NUP58: variants seen among roughly 807,000 people sequenced by gnomAD.
NUP58 encodes nucleoporin 58, also known as nucleoporin p58/p45.
In NUP58, 17 loss-of-function variants were observed where a neutral mutation model predicts 70.1. The ratio of observed to expected loss-of-function variants is 0.24; its 90% CI spans 0.17 to 0.36. The LOEUF (loss-of-function observed/expected upper bound fraction) is 0.36. Among genes scored for constraint, NUP58 ranks in the 10% least tolerant of loss-of-function variants. The probability of loss-of-function intolerance (pLI) is 1.00; values close to 1 mark genes in which losing one functional copy is unlikely to be tolerated. For missense variants in NUP58, 644 were observed against 701.5 expected, an observed-to-expected ratio of 0.92 and a Z score of 0.93; for synonymous variants, 275 against 257.6, an observed-to-expected ratio of 1.07 and a Z score of -0.65.
chr13:25,333,180 C>CTCAAAATA (rs2031669689), intron 13 of NUP58: 1 of 985,036 alleles, frequency 1.0e-6, no homozygotes, highest in Non-Finnish European at 1.2e-6. Flanking sequence ...TTGAGAAATT[C>CTCAAAATA]ATAGGTTTTC....
At chr13:25,307,293 C>A (rs191823249) in intron 1 of NUP58, among the ~76,000 whole-genome samples, 2 of 144,380 alleles carry the variant, frequency 1.4e-5, no homozygotes, top group East Asian at 4.2e-4. Context: ...CAGCTGACTG[C>A]GACCTGCCTC....
chr13:25,345,677 CCCTT>C (rs1468584707), downstream of NUP58, among the ~76,000 whole-genome samples: 10 of 152,118 alleles, frequency 6.6e-5, no homozygotes, highest in Non-Finnish European at 1.0e-4. Context: ...AACAAGAAAA[CCCTT>C]CCTGGAAGGC....
chr13:25,316,997 A>G (rs1338967050), intron 6 of NUP58, among the ~76,000 whole-genome samples: 1 of 152,180 alleles, frequency 6.6e-6, no homozygotes, highest in Non-Finnish European at 1.5e-5. Flanking sequence ...ACTACATCCC[A>G]GTTCCCTTTT....
At chr13:25,328,466 G>A (rs1566067837) in intron 12 of NUP58, among the ~76,000 whole-genome samples, 1 of 144,608 alleles carries the variant, frequency 6.9e-6, no homozygotes, top group Non-Finnish European at 1.5e-5. Flanking sequence ...CATGATCTTG[G>A]TTCACTGCAA....
intron 3 of NUP58, among the ~76,000 whole-genome samples, chr13:25,348,594 A>G (rs148609873): frequency 6.6e-6 from 1 of 152,272 alleles, no homozygotes; most frequent in African/African-American, 2.4e-5. Context: ...ATTTAAAGTT[A>G]TATATGTGGA....
chr13:25,328,243 C>T (rs754650088), intron 12 of NUP58, among the ~76,000 whole-genome samples: 2 of 151,908 alleles, frequency 1.3e-5, no homozygotes, highest in African/African-American at 4.8e-5. Flanking sequence ...TGATTTTGTA[C>T]TACCTTAATT....
At chr13:25,335,201 A>G in intron 13 of NUP58, 5 of 985,114 alleles carry the variant, frequency 5.1e-6, no homozygotes, top group Non-Finnish European at 6.0e-6. Context: ...TGCAATGGAA[A>G]GTCTTGTCAT....
chr13:25,302,009 A>G, intron 1 of NUP58, 129 bp downstream of exon 1: 1 of 644,822 alleles, frequency 1.6e-6, no homozygotes, highest in Non-Finnish European at 2.6e-6. Context: ...AGAAGCACTT[A>G]ATCTAGCCGC....
chr13:25,327,282 C>G, intron 11 of NUP58, 148 bp from the exon 12 acceptor site: 1 of 579,978 alleles, frequency 1.7e-6, no homozygotes. Flanking sequence ...GTCTGCTACT[C>G]TGTGTGTTCT....
intron 13 of NUP58, 116 bp from the exon 14 acceptor site, chr13:25,336,820 A>C: frequency 3.1e-6 from 2 of 636,448 alleles, no homozygotes; most frequent in South Asian, 2.4e-5. Context: ...AAATGGAATC[A>C]GTTAAAAGTA....
chr13:25,315,678 G>A (rs548167895), intron 6 of NUP58, among the ~76,000 whole-genome samples: 20 of 36,298 alleles, frequency 5.5e-4, no homozygotes, highest in Non-Finnish European at 3.4e-3. Flanking sequence ...AACATCAGAA[G>A]CATTTGTCTG....
At chr13:25,313,810 T>C in intron 5 of NUP58, 59 bp downstream of exon 5, 1 of 1,350,732 alleles carries the variant, frequency 7.4e-7, no homozygotes, top group Non-Finnish European at 9.8e-7. Context: ...TGTACTTATT[T>C]TTATTTTAGT....
chr13:25,313,106 C>CA, intron 4 of NUP58, 74 bp downstream of exon 4: 1 of 1,455,856 alleles, frequency 6.9e-7, no homozygotes, highest in Non-Finnish European at 9.3e-7. Flanking sequence ...CATAGATAGT[C>CA]ACCTTACTAC....
intron 12 of NUP58, among the ~76,000 whole-genome samples, chr13:25,328,452 G>A (rs2031486417): frequency 7.2e-6 from 1 of 138,874 alleles, no homozygotes; most frequent in Non-Finnish European, 1.5e-5. Flanking sequence ...CTGGAGTTCA[G>A]TGGCATGATC....
At chr13:25,318,747 G>A (rs1427269958) in intron 6 of NUP58, among the ~76,000 whole-genome samples, 2 of 152,146 alleles carry the variant, frequency 1.3e-5, no homozygotes, top group Non-Finnish European at 2.9e-5. Flanking sequence ...AAATATGTCC[G>A]TTGTTGTGAG....
chr13:25,331,851 TTTAA>T (rs2031618181), intron 13 of NUP58: 4 of 1,192,908 alleles, frequency 3.4e-6, no homozygotes, highest in Non-Finnish European at 4.2e-6. Context: ...GTGAATTACA[TTTAA>T]GAATAACATT....
chr13:25,321,187 A>G (rs2031170168), intron 9 of NUP58, 94 bp downstream of exon 9: 2 of 1,076,598 alleles, frequency 1.9e-6, no homozygotes, highest in African/African-American at 1.6e-5. Context: ...GTTTTTAATT[A>G]TGAAATTTGA....
chr13:25,305,146 T>G (rs76688846), intron 1 of NUP58, among the ~76,000 whole-genome samples: 72 of 41,716 alleles, frequency 1.7e-3, no homozygotes, highest in East Asian at 4.5e-3. Flanking sequence ...TTTTTTTTTT[T>G]TTTTTTTTTT....
Position 25,309,298 on chromosome 13 carries a change from G to C in NUP58, c.286+16G>C, listed in dbSNP as rs774537674. On this transcript the variant is annotated intron_variant, in intron 3 of 15. Transcript: ENST00000381736. ...TTAACTCTGGGTAAGAATTTTTGAG[G>C]AAAGATCCCAGCTCTGTGGTCTTCT... 4.7e-5 allele frequency: 74 copies of C among 1,589,150 alleles called. No homozygotes were observed. The highest frequency in any genetic ancestry group is 1.7e-4 in the Middle Eastern group (1 of 5,902).
Sources: gnomAD v4.1 joint callset for allele counts (sites outside exome capture counted in the v4.1 genomes callset) on GRCh38, gnomAD v4.1.1 for gene constraint, MANE v1.5 for transcripts, NCBI Gene and HGNC (gene_info 2026-07-23, HGNC 2026-07-21) for gene names.